Variants in AGO1 observed in about 807,000 individuals in gnomAD.
The protein encoded by AGO1 is argonaute RISC component 1, also known as protein argonaute-1.
AGO1 carries 11 observed loss-of-function variants against 109.2 expected under a neutral mutation model. That is an observed-to-expected ratio of 0.10 (90% CI 0.06 to 0.17). The LOEUF is 0.17. Among genes scored for constraint, AGO1 ranks in the 10% least tolerant of loss-of-function variants. AGO1 has a pLI of 1.00. For missense variants in AGO1, 574 were observed against 1,140.3 expected (o/e 0.50, Z 7.15); for synonymous variants, 422 against 418.6 (o/e 1.01, Z -0.10).
intron 1 of AGO1, among the ~76,000 whole-genome samples, chr1:35,886,887 T>C (rs1645129460): frequency 6.6e-6 from 1 of 152,176 alleles, no homozygotes; most frequent in African/African-American, 2.4e-5. Context: ...AGTCCCTGCC[T>C]TTGAAGAACT....
rs1645269308 is a variant in AGO1, at chr1:35,893,934, C to T, written c.650-103C>T. Reference sequence around the variant, plus strand: ...TTCCTACAGCCCTGGCACCCCCTTCCCCCATCCCAATGCCCTTTAAGGAAG... The same window carrying T: ...TTCCTACAGCCCTGGCACCCCCTTCTCCCATCCCAATGCCCTTTAAGGAAG... On this transcript the variant is annotated intron_variant, in intron 5 of 18. Transcript: ENST00000373204. The surrounding 1 kb of genome is among the most constrained non-coding windows in gnomAD (Gnocchi z 5.6). 2 of 1,525,794 alleles carry T rather than the reference C, an allele frequency of 1.3e-6. No individual in the cohort carries two copies. Among genetic ancestry groups the T allele is most frequent in the East Asian group, 4.5e-5 (2 of 43,964 alleles). The allele number at this position is 1,525,794 out of a possible 1,614,324, so 94.5% of individuals were successfully genotyped here.
rs1645254328 is a variant in AGO1, at chr1:35,893,250, G to A, written c.484G>A (p.Val162Met). ...VPLESVQALD[V>M]AMRHLASMRY... The stretch of plus-strand genomic sequence containing the variant: ...CTTGGAGTCTGTGCAAGCCCTGGAT[G>A]TGGCCATGAGGCACCTGGCATCCAT... Residue 162 changes from valine to methionine, a missense_variant, in exon 4 of 19, where the codon GTG (valine) becomes ATG (methionine). Val to Met is a conservative substitution (Grantham distance 21). Coordinates refer to ENST00000373204, the MANE Select transcript of AGO1 (RefSeq NM_012199.5). This position sits in a 1 kb window ranked among gnomAD's most constrained non-coding sequence, Gnocchi z 5.6. 6.2e-7 allele frequency: 1 copy of A among 1,614,006 alleles called. No homozygotes were observed. Among genetic ancestry groups the A allele is most frequent in the Non-Finnish European group, 8.5e-7 (1 of 1,179,958 alleles).
rs1020669610 is a variant in AGO1 at position 35,888,281 on chromosome 1, C to T, written c.26-146C>T. 3.4e-5 allele frequency: 24 copies of T among 708,206 alleles called. No individual in the cohort carries two copies. The highest frequency in any genetic ancestry group is 5.3e-5 in the Non-Finnish European group (23 of 432,538). The allele number at this position is 708,206 out of a possible 1,614,324, so 43.9% of individuals were successfully genotyped here. On this transcript the variant is annotated intron_variant, in intron 1 of 18. Coordinates refer to ENST00000373204, the MANE Select transcript of AGO1 (RefSeq NM_012199.5). This position sits in a 1 kb window ranked among gnomAD's most constrained non-coding sequence, Gnocchi z 4.1. The stretch of plus-strand genomic sequence containing the variant: ...AACACAGATGAGCTTGAGATGTCCC[C>T]TGGAAGCCCTTGGCTGGGTTGGGTA...
chr1:35,916,559 G>A (rs1234356165), intron 15 of AGO1, among the ~76,000 whole-genome samples: 2 of 152,110 alleles, frequency 1.3e-5, no homozygotes, highest in Admixed American at 1.3e-4. Context: ...GTAGAGATGG[G>A]GTTTCACTAT....
Position 35,913,873 on chromosome 1 carries a change from G to T in AGO1, c.1614G>T (p.Leu538Phe), listed in dbSNP as rs747499045. Residue 538 changes from leucine (L) to phenylalanine (F), a missense_variant, in exon 13 of 19, where the codon TTG (leucine) becomes TTT (phenylalanine). By Grantham distance (22) the Leu-to-Phe change is conservative. Around this residue, in one of 8 missense-constraint regions of AGO1, gnomAD observed 68 missense variants for 200.2 expected, o/e 0.34. Transcript: ENST00000373204. ...TGAAACGTGTCGGAGATACACTCTT[G>T]GGAATGGCTACGCAGTGTGTGCAGG... ...AEVKRVGDTLLGMATQCVQVK... is the reference protein window; with the variant it reads ...AEVKRVGDTLFGMATQCVQVK... The T allele has an allele frequency of 6.2e-7, 1 of 1,613,956 alleles. No homozygotes were observed. The highest frequency in any genetic ancestry group is 8.5e-7 in the Non-Finnish European group (1 of 1,179,996).
intron 11 of AGO1, 109 bp downstream of exon 11, chr1:35,902,446 C>T: frequency 7.2e-7 from 1 of 1,389,784 alleles, no homozygotes; most frequent in Non-Finnish European, 9.5e-7. Flanking sequence ...TCTGTCTTGA[C>T]TCTGCCTGCA....
In AGO1 at chr1:35,918,193, A is replaced by G; in HGVS notation, c.2164-129A>G. 4 of 749,894 alleles carry G rather than the reference A, an allele frequency of 5.3e-6. No homozygotes were observed. The East Asian group carries it at 9.8e-5, about 18-fold the overall frequency. The allele number at this position is 749,894 out of a possible 1,614,324, so 46.5% of individuals were successfully genotyped here. On this transcript the variant is annotated intron_variant, in intron 16 of 18. Coordinates refer to ENST00000373204, the MANE Select transcript of AGO1 (RefSeq NM_012199.5). Reference sequence around the variant, plus strand: ...TTAGAAGCATATTATTTTAAGATTCAGTACCCTCAGGGAATAGCAACTTTG... The same window carrying G: ...TTAGAAGCATATTATTTTAAGATTCGGTACCCTCAGGGAATAGCAACTTTG...
At chr1:35,916,932 G>A (rs1293246922) in intron 15 of AGO1, among the ~76,000 whole-genome samples, 1 of 152,174 alleles carries the variant, frequency 6.6e-6, no homozygotes, top group Non-Finnish European at 1.5e-5. Flanking sequence ...TAGTGGAGTT[G>A]AATAACTTGC....
chr1:35,892,235 C>T (rs1230469507), intron 2 of AGO1, among the ~76,000 whole-genome samples: 1 of 152,144 alleles, frequency 6.6e-6, no homozygotes, highest in Non-Finnish European at 1.5e-5. Context: ...TCCCTTTAGC[C>T]TCCCCCTCTT....
intron 1 of AGO1, among the ~76,000 whole-genome samples, chr1:35,870,698 A>G (rs1313484442): frequency 2.0e-5 from 3 of 152,018 alleles, no homozygotes; most frequent in African/African-American, 7.3e-5. Context: ...TTGGTTTTTT[A>G]CCTTTATCTT....
chr1:35,910,393 G>GT (rs1269861889), intron 12 of AGO1, among the ~76,000 whole-genome samples: 6 of 151,388 alleles, frequency 4.0e-5, no homozygotes, highest in African/African-American at 7.3e-5. Context: ...TGATATTATT[G>GT]TTTTTTTAAT....
At chr1:35,889,792 G>A (rs1350468483) in intron 2 of AGO1, among the ~76,000 whole-genome samples, 4 of 150,388 alleles carry the variant, frequency 2.7e-5, no homozygotes, top group Admixed American at 6.6e-5. Context: ...TCTGCCTCCC[G>A]AGTAGCTGGG....
intron 1 of AGO1, among the ~76,000 whole-genome samples, chr1:35,884,970 TG>T (rs1287136550): frequency 1.3e-5 from 2 of 152,204 alleles, no homozygotes; most frequent in Non-Finnish European, 2.9e-5. Flanking sequence ...GGAATTATTT[TG>T]TTTTTTTTGT....
chr1:35,901,547 C>G lies in AGO1; in HGVS notation c.1094C>G (p.Ala365Gly). Residue 365 changes from alanine (A) to glycine (G), a missense_variant, in exon 9 of 19, where the codon GCC becomes GGC. Physicochemically the swap from Ala to Gly is moderately conservative, Grantham distance 60. Transcript: ENST00000373204. The surrounding 1 kb of genome is among the most constrained non-coding windows in gnomAD (Gnocchi z 4.8). Reference sequence around the variant, plus strand: ...AACCAGACCTCGACCATGATAAAGGCCACAGCTAGATCCGCTCCAGACAGA... The same window carrying G: ...AACCAGACCTCGACCATGATAAAGGGCACAGCTAGATCCGCTCCAGACAGA... ...TDNQTSTMIK[A>G]TARSAPDRQE... is the part of the protein sequence containing the mutation. The G allele has an allele frequency of 6.2e-7, 1 of 1,614,182 alleles. No homozygotes were observed. Among genetic ancestry groups the G allele is most frequent in the Non-Finnish European group, 8.5e-7 (1 of 1,180,032 alleles).
At chr1:35,900,642 G>T (rs940119458) in intron 8 of AGO1, among the ~76,000 whole-genome samples, 1 of 152,196 alleles carries the variant, frequency 6.6e-6, no homozygotes, top group African/African-American at 2.4e-5. Context: ...CAGGAGAATC[G>T]CTTGAACCTG....
intron 11 of AGO1, among the ~76,000 whole-genome samples, chr1:35,904,149 TCGTCCAGGTGCAGTGGCGC>T (rs1645474726): frequency 6.9e-6 from 1 of 144,020 alleles, no homozygotes; most frequent in Non-Finnish European, 1.5e-5. Flanking sequence ...TCTCTCTCTG[TCGTCCAGGTGCAGTGGCGC>T]CATCTCGGCT....
At chr1:35,915,078 T>G (rs1264630497) in intron 14 of AGO1, among the ~76,000 whole-genome samples, 1 of 152,150 alleles carries the variant, frequency 6.6e-6, no homozygotes, top group Non-Finnish European at 1.5e-5. Flanking sequence ...GTACCTACTG[T>G]GGGCTACGTC....
chr1:35,884,451 T>A (rs1645087570), intron 1 of AGO1, among the ~76,000 whole-genome samples: 1 of 152,154 alleles, frequency 6.6e-6, no homozygotes, highest in African/African-American at 2.4e-5. Flanking sequence ...TGATGGGGGC[T>A]TTTAATCCAA....
In AGO1 at chr1:35,888,144, C is replaced by G. The variant is rs1645150371; in HGVS notation, c.26-283C>G. ...TGTTACTAGGAGCCAGATTTAGTCT[C>G]TCTGCTTAACATGCAATAGGAACTT... On this transcript the variant is annotated intron_variant, in intron 1 of 18. Transcript: ENST00000373204. The surrounding 1 kb of genome is among the most constrained non-coding windows in gnomAD (Gnocchi z 4.1). 6.6e-6 allele frequency among the ~76,000 whole-genome samples: 1 copy of G among 152,180 alleles called. No homozygotes were observed. Among genetic ancestry groups the G allele is most frequent in the Admixed American group, 6.5e-5 (1 of 15,274 alleles).
Sources: allele counts gnomAD v4.1 joint callset (sites outside exome capture counted in the v4.1 genomes callset), GRCh38; gene constraint gnomAD v4.1.1; regional missense constraint gnomAD v4.1.1; non-coding constraint Gnocchi (gnomAD v3.1); transcripts MANE v1.5; gene names NCBI Gene and HGNC (gene_info 2026-07-23, HGNC 2026-07-21).